Variants in NPAS3 observed in about 807,000 individuals in gnomAD.
NPAS3 encodes the protein neuronal PAS domain-containing protein 3.
A neutral mutation model predicts 73.1 loss-of-function variants in NPAS3; 14 were observed. That is an observed-to-expected ratio of 0.19 (90% confidence interval 0.13 to 0.30). The LOEUF (loss-of-function observed/expected upper bound fraction) is 0.30, where lower values mean the gene tolerates loss of function less well. Ranked by LOEUF, NPAS3 falls within the 10% of genes least tolerant of loss-of-function variation. NPAS3 has a pLI of 1.00. For synonymous variants in NPAS3, 620 were observed against 541.5 expected, an observed-to-expected ratio of 1.14 and a Z score of -2.01; for missense variants, 1,096 against 1,250.0, an observed-to-expected ratio of 0.88 and a Z score of 1.86.
intron 2 of NPAS3, among the ~76,000 whole-genome samples, chr14:33,090,417 G>T (rs1424120389): frequency 1.3e-5 from 2 of 152,156 alleles, no homozygotes; most frequent in Admixed American, 1.3e-4. Context: ...TTACATAATG[G>T]TAAAGGGATC....
intron 2 of NPAS3, among the ~76,000 whole-genome samples, chr14:33,081,694 C>T (rs1326651364): frequency 6.6e-6 from 1 of 152,182 alleles, no homozygotes; most frequent in Non-Finnish European, 1.5e-5. Flanking sequence ...TGTCCAGGAT[C>T]AGTGAACTGA....
intron 1 of NPAS3, among the ~76,000 whole-genome samples, chr14:32,956,933 C>A (rs1360401296): frequency 6.6e-6 from 1 of 152,176 alleles, no homozygotes; most frequent in Non-Finnish European, 1.5e-5. Flanking sequence ...ATATTGAAAA[C>A]TCAATCTATT....
intron 5 of NPAS3, among the ~76,000 whole-genome samples, chr14:33,637,740 C>T (rs900146097): frequency 1.3e-5 from 2 of 151,938 alleles, no homozygotes; most frequent in Admixed American, 6.6e-5. Context: ...AGTTTTTATC[C>T]GTCTCATTAT....
intron 4 of NPAS3, among the ~76,000 whole-genome samples, chr14:33,502,389 C>T (rs1459154591): frequency 6.6e-6 from 1 of 151,794 alleles, no homozygotes; most frequent in Non-Finnish European, 1.5e-5. Flanking sequence ...ACCCATCATC[C>T]TCATTGCTGT....
intron 5 of NPAS3, among the ~76,000 whole-genome samples, chr14:33,614,681 AC>A (rs1288470478): frequency 1.3e-5 from 2 of 152,348 alleles, no homozygotes; most frequent in Non-Finnish European, 2.9e-5. Context: ...AAAGGTCAGA[AC>A]AAACTAGAAA....
At chr14:33,659,335 T>G (rs2140267282) in intron 5 of NPAS3, among the ~76,000 whole-genome samples, 1 of 152,318 alleles carries the variant, frequency 6.6e-6, no homozygotes, top group South Asian at 2.1e-4. Context: ...TCCCAAGCCA[T>G]TTGCCTCTAG....
chr14:33,434,346 GT>G, intron 4 of NPAS3, among the ~76,000 whole-genome samples: 1 of 152,104 alleles, frequency 6.6e-6, no homozygotes, highest in East Asian at 1.9e-4. Flanking sequence ...GGGCAATATG[GT>G]GAGACCCCAT....
At chr14:33,272,542 G>A (rs557308989) in intron 3 of NPAS3, among the ~76,000 whole-genome samples, 74 of 152,042 alleles carry the variant, frequency 4.9e-4, no homozygotes, top group Admixed American at 8.5e-4. Context: ...TCAGCCTCCC[G>A]AGTGGCTGGG....
intron 7 of NPAS3, among the ~76,000 whole-genome samples, chr14:33,753,446 C>T (rs367690567): frequency 1.3e-5 from 2 of 151,626 alleles, no homozygotes; most frequent in African/African-American, 2.4e-5. Context: ...TGCATTTGTG[C>T]GGCAGGGCAT....
intron 4 of NPAS3, among the ~76,000 whole-genome samples, chr14:33,543,831 T>A (rs571953761): frequency 6.6e-6 from 1 of 151,920 alleles, no homozygotes; most frequent in East Asian, 1.9e-4. Flanking sequence ...CAAGAATCTC[T>A]GCCATGAAAG....
chr14:33,189,859 C>T (rs2046107245), intron 2 of NPAS3, among the ~76,000 whole-genome samples: 1 of 152,108 alleles, frequency 6.6e-6, no homozygotes, highest in South Asian at 2.1e-4. Context: ...AATACAAATG[C>T]AACTTTTTCA....
intron 1 of NPAS3, among the ~76,000 whole-genome samples, chr14:32,978,624 G>A (rs912416524): frequency 1.3e-5 from 2 of 152,120 alleles, no homozygotes; most frequent in Admixed American, 1.3e-4. Context: ...GGCTCACTAG[G>A]TGTCTAGGTT....
intron 5 of NPAS3, among the ~76,000 whole-genome samples, chr14:33,665,666 A>T (rs1428091366): frequency 1.3e-5 from 2 of 152,204 alleles, no homozygotes; most frequent in Non-Finnish European, 1.5e-5. Flanking sequence ...AAAAATTTTT[A>T]AAATAATTTC....
At chr14:33,707,750 T>C (rs979236545) in intron 6 of NPAS3, among the ~76,000 whole-genome samples, 1 of 152,120 alleles carries the variant, frequency 6.6e-6, no homozygotes, top group Non-Finnish European at 1.5e-5. Flanking sequence ...AGGCAAATTA[T>C]CAGCCTTTCC....
At chr14:33,414,422 T>A (rs142988942) in intron 4 of NPAS3, among the ~76,000 whole-genome samples, 25 of 152,278 alleles carry the variant, frequency 1.6e-4, no homozygotes, top group Non-Finnish European at 2.9e-4. Flanking sequence ...ATTAGCAGGT[T>A]TCTCCATTAT....
intron 3 of NPAS3, among the ~76,000 whole-genome samples, chr14:33,232,784 C>T (rs1211738249): frequency 2.0e-5 from 3 of 152,120 alleles, no homozygotes; most frequent in Non-Finnish European, 4.4e-5. Flanking sequence ...GCAAAATTGT[C>T]GAACAGTAGT....
chr14:33,264,380 C>G (rs1317515283), intron 3 of NPAS3, among the ~76,000 whole-genome samples: 2 of 151,898 alleles, frequency 1.3e-5, no homozygotes, highest in Non-Finnish European at 2.9e-5. Context: ...ATGTAAAAAA[C>G]CTGCATGCTG....
intron 4 of NPAS3, among the ~76,000 whole-genome samples, chr14:33,418,676 A>T (rs35919684): frequency 2.7e-5 from 3 of 111,050 alleles, no homozygotes; most frequent in South Asian, 3.0e-4. Flanking sequence ...TTTTATTTTT[A>T]AAGGGTTGTA....
At chr14:33,345,862 A>G (rs1382431927) in intron 3 of NPAS3, among the ~76,000 whole-genome samples, 1 of 152,210 alleles carries the variant, frequency 6.6e-6, no homozygotes, top group African/African-American at 2.4e-5. Context: ...TTCATTCTTC[A>G]CTAGCCACTC....
Sources: gnomAD v4.1 joint callset for allele counts (sites outside exome capture counted in the v4.1 genomes callset) on GRCh38, gnomAD v4.1.1 for gene constraint, MANE v1.5 for transcripts, NCBI Gene and HGNC (gene_info 2026-07-23, HGNC 2026-07-21) for gene names.